IGF2BP2: variants seen among roughly 807,000 people sequenced by gnomAD.
IGF2BP2 encodes insulin-like growth factor 2 mRNA-binding protein 2.
IGF2BP2 carries 17 observed loss-of-function variants against 75.8 expected under a neutral mutation model. The observed-to-expected ratio is 0.22, with a 90% confidence interval of 0.15 to 0.34. The LOEUF (loss-of-function observed/expected upper bound fraction) is 0.34, where lower values mean the gene tolerates loss of function less well. Among genes scored for constraint, IGF2BP2 ranks in the 10% least tolerant of loss-of-function variants. The probability of loss-of-function intolerance (pLI) is 1.00; values close to 1 mark genes in which losing one functional copy is unlikely to be tolerated. For synonymous variants in IGF2BP2, 288 were observed against 295.6 expected (o/e 0.97, Z 0.26); for missense variants, 516 against 772.4 (o/e 0.67, Z 3.93).
intron 10 of IGF2BP2, among the ~76,000 whole-genome samples, chr3:185,668,131 T>C (rs956593676): frequency 2.0e-5 from 3 of 152,176 alleles, no homozygotes; most frequent in Non-Finnish European, 2.9e-5. Flanking sequence ...CATTTTGACA[T>C]TGTCTATAAT....
chr3:185,722,326 T>C (rs943817131), intron 2 of IGF2BP2: 3 of 447,256 alleles, frequency 6.7e-6, no homozygotes, highest in East Asian at 7.1e-5. Context: ...AGATATAAGA[T>C]GAGAGTAATT....
intron 2 of IGF2BP2, among the ~76,000 whole-genome samples, chr3:185,786,083 CTT>C (rs35946810): frequency 6.7e-5 from 10 of 149,916 alleles, no homozygotes; most frequent in Non-Finnish European, 1.0e-4. Flanking sequence ...GCTAATTAAA[CTT>C]TTTTTTTTTC....
intron 2 of IGF2BP2, among the ~76,000 whole-genome samples, chr3:185,713,989 C>A (rs1212716633): frequency 6.6e-6 from 1 of 152,210 alleles, no homozygotes; most frequent in Non-Finnish European, 1.5e-5. Context: ...GCGTGAGCCA[C>A]CACGTCTAGC....
intron 5 of IGF2BP2, among the ~76,000 whole-genome samples, chr3:185,690,512 T>G (rs1187421968): frequency 1.3e-5 from 2 of 152,280 alleles, no homozygotes; most frequent in African/African-American, 4.8e-5. Flanking sequence ...TAATTTTTAA[T>G]GACTGTTTAA....
At chr3:185,658,982 A>C (rs1230875244) in intron 10 of IGF2BP2, among the ~76,000 whole-genome samples, 9 of 152,204 alleles carry the variant, frequency 5.9e-5, no homozygotes, top group Non-Finnish European at 1.3e-4. Context: ...TGGGAATCTG[A>C]AATGGGAGGA....
chr3:185,749,427 A>G (rs1730676184), intron 2 of IGF2BP2, among the ~76,000 whole-genome samples: 1 of 152,250 alleles, frequency 6.6e-6, no homozygotes, highest in Admixed American at 6.5e-5. Context: ...AGTAACAATT[A>G]TAATGAATGC....
At chr3:185,733,151 G>A (rs1728414551) in intron 2 of IGF2BP2, among the ~76,000 whole-genome samples, 1 of 152,104 alleles carries the variant, frequency 6.6e-6, no homozygotes, top group South Asian at 2.1e-4. Context: ...TGATTCCCTT[G>A]TCCCTACAAA....
At chr3:185,748,370 A>G (rs1267048982) in intron 2 of IGF2BP2, among the ~76,000 whole-genome samples, 1 of 152,214 alleles carries the variant, frequency 6.6e-6, no homozygotes, top group Non-Finnish European at 1.5e-5. Flanking sequence ...TTAATATCAG[A>G]AGTAGCAACT....
At chr3:185,782,191 C>T (rs988505469) in intron 2 of IGF2BP2, among the ~76,000 whole-genome samples, 11 of 152,094 alleles carry the variant, frequency 7.2e-5, no homozygotes, top group Non-Finnish European at 1.6e-4. Flanking sequence ...CTGCTAAAAA[C>T]ACCCTCTTTG....
intron 2 of IGF2BP2, among the ~76,000 whole-genome samples, chr3:185,804,498 T>C (rs1260490027): frequency 1.3e-5 from 2 of 151,966 alleles, no homozygotes; most frequent in Admixed American, 1.3e-4. Context: ...AAGCTGAATA[T>C]AAGTCATTTT....
chr3:185,713,449 T>C (rs1243689370), intron 2 of IGF2BP2: 2 of 519,918 alleles, frequency 3.8e-6, no homozygotes, highest in African/African-American at 1.9e-5. Context: ...ACTAGATAAC[T>C]GTCTAAGGCC....
intron 2 of IGF2BP2, among the ~76,000 whole-genome samples, chr3:185,781,518 GGTTACA>G (rs1263359506): frequency 2.6e-5 from 4 of 152,142 alleles, no homozygotes; most frequent in Non-Finnish European, 5.9e-5. Flanking sequence ...AGGGTTAAAA[GGTTACA>G]GTGGATCCTG....
At chr3:185,822,906 G>C (rs1560527058) in intron 2 of IGF2BP2, among the ~76,000 whole-genome samples, 1 of 151,682 alleles carries the variant, frequency 6.6e-6, no homozygotes, top group Non-Finnish European at 1.5e-5. Context: ...CCAGCGAACT[G>C]AACATAGCTG....
At chr3:185,801,606 T>C (rs1738290556) in intron 2 of IGF2BP2, among the ~76,000 whole-genome samples, 1 of 151,526 alleles carries the variant, frequency 6.6e-6, no homozygotes, top group Non-Finnish European at 1.5e-5. Flanking sequence ...TGGAAGACAG[T>C]GTGGCAATGC....
intron 2 of IGF2BP2, among the ~76,000 whole-genome samples, chr3:185,773,175 T>G (rs1278886104): frequency 6.6e-6 from 1 of 152,226 alleles, no homozygotes; most frequent in East Asian, 1.9e-4. Flanking sequence ...ACCAAAAAGA[T>G]AGCTGGCCAC....
chr3:185,724,947 C>T (rs1431488412), intron 2 of IGF2BP2: 1 of 152,180 alleles, frequency 6.6e-6, no homozygotes, highest in Non-Finnish European at 1.5e-5. Flanking sequence ...GGAATGCTTG[C>T]TCTTGGAAGC....
intron 10 of IGF2BP2, among the ~76,000 whole-genome samples, chr3:185,663,349 CACTA>C (rs534196857): frequency 6.6e-6 from 1 of 152,202 alleles, no homozygotes; most frequent in Non-Finnish European, 1.5e-5. Flanking sequence ...ACCTCCCACC[CACTA>C]ACTGAGAGGC....
intron 2 of IGF2BP2, among the ~76,000 whole-genome samples, chr3:185,739,088 T>C (rs1366969645): frequency 6.6e-6 from 1 of 152,236 alleles, no homozygotes; most frequent in Non-Finnish European, 1.5e-5. Flanking sequence ...TATATGTGTT[T>C]TCACATATCT....
At chr3:185,660,543 A>T (rs1374310881) in intron 10 of IGF2BP2, among the ~76,000 whole-genome samples, 3 of 152,190 alleles carry the variant, frequency 2.0e-5, no homozygotes, top group Non-Finnish European at 2.9e-5. Flanking sequence ...ACAGAGCTCC[A>T]CTTAACACGG....
Sources: gnomAD v4.1 joint callset for allele counts (sites outside exome capture counted in the v4.1 genomes callset) on GRCh38, gnomAD v4.1.1 for gene constraint, MANE v1.5 for transcripts, NCBI Gene and HGNC (gene_info 2026-07-23, HGNC 2026-07-21) for gene names.